Variants in CNNM2 observed in about 807,000 individuals in gnomAD.
CNNM2 encodes the protein metal transporter CNNM2.
Under a neutral mutation model 66.9 loss-of-function variants are expected in CNNM2, and 12 were observed. That is an observed-to-expected ratio of 0.18 (90% CI 0.11 to 0.29). The LOEUF (loss-of-function observed/expected upper bound fraction) is 0.29. CNNM2 is among the 10% of genes least tolerant of loss of function. The pLI, the probability that CNNM2 is intolerant of heterozygous loss-of-function variation, is 1.00. For missense variants in CNNM2, 705 were observed against 1,167.7 expected (o/e 0.60, Z 5.77); for synonymous variants, 557 against 501.8 (o/e 1.11, Z -1.47).
At chr10:103,058,027 G>A (rs755052729) in intron 4 of CNNM2, among the ~76,000 whole-genome samples, 2 of 151,740 alleles carry the variant, frequency 1.3e-5, no homozygotes, top group East Asian at 3.9e-4. Flanking sequence ...ATTCAAGCTC[G>A]GGAAAGTGTT....
chr10:102,954,914 G>T (rs1846978892), intron 1 of CNNM2, among the ~76,000 whole-genome samples: 1 of 152,126 alleles, frequency 6.6e-6, no homozygotes, highest in African/African-American at 2.4e-5. Flanking sequence ...CCATGCTCAT[G>T]GATAGGAAGA....
chr10:103,021,100 A>T (rs986459577), intron 1 of CNNM2, among the ~76,000 whole-genome samples: 1 of 152,116 alleles, frequency 6.6e-6, no homozygotes, highest in Admixed American at 6.6e-5. Context: ...ATATCCTGAA[A>T]CAGTGGTTTT....
At chr10:103,035,962 T>G (rs2134309482) in intron 1 of CNNM2, among the ~76,000 whole-genome samples, 1 of 152,346 alleles carries the variant, frequency 6.6e-6, no homozygotes, top group East Asian at 1.9e-4. Flanking sequence ...GCACACACAT[T>G]AGTTTGTCTT....
chr10:102,932,997 A>G (rs915860220), intron 1 of CNNM2, among the ~76,000 whole-genome samples: 1 of 151,890 alleles, frequency 6.6e-6, no homozygotes, highest in African/African-American at 2.4e-5. Context: ...CTGATCTTTA[A>G]TTTTATGTCA....
intron 1 of CNNM2, among the ~76,000 whole-genome samples, chr10:103,037,568 T>A (rs769031683): frequency 2.4e-4 from 36 of 152,268 alleles, no homozygotes; most frequent in Non-Finnish European, 4.9e-4. Context: ...TATAAGAAGA[T>A]GGAGTCTTCT....
At chr10:103,012,318 A>T (rs560263978) in intron 1 of CNNM2, among the ~76,000 whole-genome samples, 32 of 152,272 alleles carry the variant, frequency 2.1e-4, no homozygotes, top group African/African-American at 6.0e-4. Flanking sequence ...GATTTTATGT[A>T]ATTTCCTAGG....
intron 1 of CNNM2, among the ~76,000 whole-genome samples, chr10:102,964,512 A>G (rs1257881686): frequency 6.6e-6 from 1 of 152,172 alleles, no homozygotes; most frequent in East Asian, 1.9e-4. Context: ...CACACTCATG[A>G]GCCACTGCGC....
chr10:102,945,560 G>A (rs1846588656), intron 1 of CNNM2, among the ~76,000 whole-genome samples: 1 of 150,550 alleles, frequency 6.6e-6, no homozygotes, highest in Non-Finnish European at 1.5e-5. Flanking sequence ...ATCCCCCTGC[G>A]CCCCACAGTG....
chr10:103,076,554 T>G (rs2065694368), intron 7 of CNNM2, among the ~76,000 whole-genome samples: 1 of 152,206 alleles, frequency 6.6e-6, no homozygotes, highest in Non-Finnish European at 1.5e-5. Flanking sequence ...GTAGCCCCTT[T>G]TCAAAGAGCT....
rs141482908 is a variant in CNNM2 at position 103,051,328 on chromosome 10, G to C, written c.1765+1478G>C. Among the ~76,000 whole-genome samples, 2,874 of 152,132 alleles carry C rather than the reference G, an allele frequency of 0.019. 67 individuals are homozygous for C. Among genetic ancestry groups the C allele is most frequent in the South Asian group, 0.12 (569 of 4,818 alleles). The stretch of plus-strand genomic sequence containing the variant: ...TGCCTGTAGTCTCAGCTACTTGGGA[G>C]GCTGAGGCAGGAGAATCACTTGAAC... On this transcript the variant is annotated intron_variant, in intron 2 of 7. Coordinates refer to ENST00000369878, the MANE Select transcript of CNNM2 (RefSeq NM_017649.5).
intron 1 of CNNM2, among the ~76,000 whole-genome samples, chr10:103,012,017 A>G (rs1271648942): frequency 6.6e-6 from 1 of 152,106 alleles, no homozygotes; most frequent in African/African-American, 2.4e-5. Flanking sequence ...TAAAGCACAG[A>G]GAAGTATATA....
chr10:102,921,044 C>A, intron 1 of CNNM2: 1 of 973,534 alleles, frequency 1.0e-6, no homozygotes. Flanking sequence ...ATGTCTCCGT[C>A]AACTCTCACC....
rs751586358 is a variant in CNNM2 at position 103,077,177 on chromosome 10, C to G, written c.2625C>G (p.Ile875Met). The change falls in exon 8 of 8, where the codon ATC becomes ATG. Residue 875 changes from isoleucine to methionine, a missense_variant. Ile to Met is a conservative substitution (Grantham distance 10, BLOSUM62 1). This residue lies in a region of CNNM2 where 194 missense variants were observed against 227.6 expected (regional missense o/e 0.85). Transcript: ENST00000369878. Reference sequence around the variant, plus strand: ...ACAGCCTGCACAACGAAGGCGCCATCTAGGCCGCGCTGGCTGCACCCGCCC... The same window carrying G: ...ACAGCCTGCACAACGAAGGCGCCATGTAGGCCGCGCTGGCTGCACCCGCCC... ...ANHSLHNEGA[I>M] is the part of the protein sequence containing the mutation. 7.4e-6 allele frequency: 12 copies of G among 1,612,008 alleles called. No homozygotes were observed. The Admixed American group carries it at 2.0e-4, about 27-fold the overall frequency.
intron 4 of CNNM2, among the ~76,000 whole-genome samples, chr10:103,059,115 A>G (rs1386089420): frequency 6.6e-6 from 1 of 152,196 alleles, no homozygotes; most frequent in Admixed American, 6.5e-5. Context: ...TTGGGACTAC[A>G]GGCGTGCTCC....
At chr10:103,000,088 T>G (rs750969603) in intron 1 of CNNM2, among the ~76,000 whole-genome samples, 1 of 151,740 alleles carries the variant, frequency 6.6e-6, no homozygotes, top group Non-Finnish European at 1.5e-5. Flanking sequence ...ATACAAAAAT[T>G]AGTTGGGTGT....
intron 1 of CNNM2, among the ~76,000 whole-genome samples, chr10:102,955,727 C>T (rs1360974338): frequency 1.3e-5 from 2 of 152,180 alleles, no homozygotes; most frequent in East Asian, 1.9e-4. Flanking sequence ...TATGAACAGA[C>T]ACTTCTCAAA....
At chr10:103,048,113 C>T (rs1257296954) in intron 1 of CNNM2, among the ~76,000 whole-genome samples, 1 of 151,322 alleles carries the variant, frequency 6.6e-6, no homozygotes, top group Non-Finnish European at 1.5e-5. Context: ...TTAGTAGAGA[C>T]AGGGTTTCAC....
At chr10:102,942,215 G>T (rs1359109182) in intron 1 of CNNM2, among the ~76,000 whole-genome samples, 4 of 152,236 alleles carry the variant, frequency 2.6e-5, no homozygotes, top group Middle Eastern at 3.4e-3. Context: ...ACCATCTCAA[G>T]TATACGATTC....
intron 1 of CNNM2, among the ~76,000 whole-genome samples, chr10:102,962,348 G>T (rs1382670864): frequency 1.3e-5 from 2 of 152,140 alleles, no homozygotes; most frequent in African/African-American, 2.4e-5. Context: ...TTTAAAAAAT[G>T]ATTAAAGAAA....
Sources: allele counts gnomAD v4.1 joint callset (sites outside exome capture counted in the v4.1 genomes callset), GRCh38; gene constraint gnomAD v4.1.1; regional missense constraint gnomAD v4.1.1; transcripts MANE v1.5; gene names NCBI Gene and HGNC (gene_info 2026-07-23, HGNC 2026-07-21).